The following LCLAT1 variants were observed in gnomAD, a reference collection of about 807,000 sequenced individuals.
LCLAT1 encodes the protein lysocardiolipin acyltransferase 1, also known as 1-AGP acyltransferase 8.
Under a neutral mutation model 30.7 loss-of-function variants are expected in LCLAT1, and 11 were observed. That is an observed-to-expected ratio of 0.36 (90% CI 0.23 to 0.59). LCLAT1 has a LOEUF of 0.59. Ranked by LOEUF, LCLAT1 falls within the 20% of genes least tolerant of loss-of-function variation. The pLI is 0.77. For synonymous variants in LCLAT1, 155 were observed against 151.3 expected (o/e 1.02, Z -0.18); for missense variants, 402 against 458.6 (o/e 0.88, Z 1.13).
intron 1 of LCLAT1, among the ~76,000 whole-genome samples, chr2:30,501,197 C>A (rs1281123005): frequency 6.6e-6 from 1 of 152,032 alleles, no homozygotes; most frequent in Non-Finnish European, 1.5e-5. Flanking sequence ...GATCTCCCGT[C>A]TCCTTTGCTG....
chr2:30,572,971 TTTTC>T lies in LCLAT1; in HGVS notation c.628+4803_628+4806del, dbSNP rs1382045947. ...AGGAAAAAAAATTGTGGTTCGATCG[TTTTC>T]TTTCTTTTTGCCATCAAATTGCAGA... On this transcript the variant is annotated intron_variant, in intron 5 of 5. Coordinates refer to ENST00000379509, the MANE Select transcript of LCLAT1 (RefSeq NM_001002257.3). Among the ~76,000 whole-genome samples the T allele has an allele frequency of 2.0e-5, 3 of 148,808 alleles. No homozygotes were observed. In the East Asian group the frequency reaches 6.1e-4, roughly 30 times the overall value.
intron 1 of LCLAT1, among the ~76,000 whole-genome samples, chr2:30,451,135 G>A (rs767125697): frequency 3.2e-4 from 48 of 152,220 alleles, no homozygotes; most frequent in Non-Finnish European, 5.3e-4. Flanking sequence ...TTATTTGCCA[G>A]TGGGAAATAT....
rs1284092203 is a variant in LCLAT1 at position 30,495,633 on chromosome 2, C to T, written c.-4-29954C>T. ...GGGGTAGTGCCATTTTGTTGAGAAC[C>T]ACCAATGGAGCCTCAATCTTCTCAT... On this transcript the variant is annotated intron_variant, in intron 1 of 5. Transcript: ENST00000379509. Among the ~76,000 whole-genome samples the T allele has an allele frequency of 2.6e-5, 4 of 151,978 alleles. No individual in the cohort carries two copies. The South Asian group carries it at 6.2e-4, about 24-fold the overall frequency.
At chr2:30,551,510 C>T (rs1482980659) in intron 3 of LCLAT1, among the ~76,000 whole-genome samples, 1 of 152,166 alleles carries the variant, frequency 6.6e-6, no homozygotes, top group African/African-American at 2.4e-5. Flanking sequence ...AATCTAGGCA[C>T]TTACTATGCT....
intron 1 of LCLAT1, chr2:30,459,529 T>TC (rs1681997283): frequency 4.4e-6 from 4 of 901,212 alleles, no homozygotes; most frequent in Non-Finnish European, 7.4e-6. Flanking sequence ...TCTCTTTTTT[T>TC]CTCCCATTTG....
chr2:30,542,770 T>A (rs1333765323), intron 3 of LCLAT1, among the ~76,000 whole-genome samples: 3 of 152,170 alleles, frequency 2.0e-5, no homozygotes, highest in Non-Finnish European at 4.4e-5. Context: ...TTGGAGTTGT[T>A]TTAAGTTTTT....
intron 3 of LCLAT1, among the ~76,000 whole-genome samples, chr2:30,548,305 G>A (rs1382360236): frequency 6.6e-6 from 1 of 152,126 alleles, no homozygotes; most frequent in Non-Finnish European, 1.5e-5. Context: ...GAAGTCCTGA[G>A]AACATGTGCC....
At chr2:30,639,974 C>A (rs781679338) in intron 5 of LCLAT1, 143 bp from the exon 6 acceptor site, 58 of 648,784 alleles carry the variant, frequency 8.9e-5, no homozygotes, top group Non-Finnish European at 1.5e-4. Flanking sequence ...TCCAGGAACA[C>A]CAGTATCTCT....
At chr2:30,575,801 G>T (rs1173597648) in intron 5 of LCLAT1, among the ~76,000 whole-genome samples, 5 of 152,068 alleles carry the variant, frequency 3.3e-5, no homozygotes, top group African/African-American at 4.8e-5. Context: ...ATCTCAGTGA[G>T]TTTCAGATTC....
Position 30,525,642 on chromosome 2 carries a change from T to C in LCLAT1, c.52T>C (p.Phe18Leu), listed in dbSNP as rs753362429. 1 of 1,613,714 alleles carries C rather than the reference T, an allele frequency of 6.2e-7. No homozygotes were observed. The highest frequency in any genetic ancestry group is 8.5e-7 in the Non-Finnish European group (1 of 1,179,716). ...TATACTGACTCTGTTTTGGGGAAGCTTTTTTGGAAGCATTTTCATGCTGAG... is the reference window on the plus strand; with the variant it reads ...TATACTGACTCTGTTTTGGGGAAGCCTTTTTGGAAGCATTTTCATGCTGAG... ...YFILTLFWGS[F>L]FGSIFMLSPF... Residue 18 changes from phenylalanine to leucine, a missense_variant, in exon 2 of 6, where the codon TTT (phenylalanine) becomes CTT (leucine). Physicochemically the swap from Phe to Leu is conservative, Grantham distance 22 (BLOSUM62 0). Transcript: ENST00000379509.
At chr2:30,533,070 G>GA in intron 2 of LCLAT1, 46 bp from the exon 3 acceptor site, 1 of 1,392,892 alleles carries the variant, frequency 7.2e-7, no homozygotes, top group Non-Finnish European at 1.0e-6. Flanking sequence ...TTTACCTATG[G>GA]AAAATCATAA....
chr2:30,450,573 G>A (rs1404272758), intron 1 of LCLAT1, among the ~76,000 whole-genome samples: 1 of 152,194 alleles, frequency 6.6e-6, no homozygotes, highest in Non-Finnish European at 1.5e-5. Flanking sequence ...ATTGTAATAT[G>A]GAAGTAATCA....
intron 1 of LCLAT1, among the ~76,000 whole-genome samples, chr2:30,449,727 C>T (rs760837089): frequency 1.3e-5 from 2 of 151,998 alleles, no homozygotes; most frequent in Non-Finnish European, 2.9e-5. Context: ...CTTGAGCTCC[C>T]GACCTCAGGT....
chr2:30,604,565 G>A (rs1047760024), intron 5 of LCLAT1, among the ~76,000 whole-genome samples: 3 of 146,832 alleles, frequency 2.0e-5, no homozygotes, highest in African/African-American at 7.6e-5. Flanking sequence ...TTATACTTTC[G>A]CTTTTTTTCC....
intron 5 of LCLAT1, among the ~76,000 whole-genome samples, chr2:30,617,756 C>G (rs1283572052): frequency 1.3e-5 from 2 of 152,118 alleles, no homozygotes; most frequent in Admixed American, 1.3e-4. Flanking sequence ...TTAATTTAAG[C>G]ATCTTTTCCT....
intron 1 of LCLAT1, among the ~76,000 whole-genome samples, chr2:30,458,693 A>G (rs946583343): frequency 6.6e-6 from 1 of 152,132 alleles, no homozygotes; most frequent in Non-Finnish European, 1.5e-5. Flanking sequence ...AGTCTGAAGA[A>G]AGGATACTCA....
chr2:30,447,900 G>A (rs568469400), intron 1 of LCLAT1, among the ~76,000 whole-genome samples: 1 of 152,232 alleles, frequency 6.6e-6, no homozygotes, highest in Non-Finnish European at 1.5e-5. Context: ...TCCTGCAGGC[G>A]CCAAAGGCCT....
At chr2:30,597,242 C>A (rs1666963972) in intron 5 of LCLAT1, among the ~76,000 whole-genome samples, 1 of 151,576 alleles carries the variant, frequency 6.6e-6, no homozygotes, top group African/African-American at 2.4e-5. Flanking sequence ...GCAGTATGGC[C>A]AATTTCACGA....
intron 3 of LCLAT1, among the ~76,000 whole-genome samples, chr2:30,541,318 G>T (rs1450112031): frequency 1.3e-5 from 2 of 152,082 alleles, no homozygotes; most frequent in African/African-American, 4.8e-5. Flanking sequence ...GTTGAGCCCA[G>T]GAGTTTAAGG....
Sources: gnomAD v4.1 joint callset for allele counts (sites outside exome capture counted in the v4.1 genomes callset) on GRCh38, gnomAD v4.1.1 for gene constraint, MANE v1.5 for transcripts, NCBI Gene and HGNC (gene_info 2026-07-23, HGNC 2026-07-21) for gene names.